The following CCDC14 variants were observed in gnomAD, a reference collection of about 807,000 sequenced individuals.
CCDC14 encodes coiled-coil domain-containing protein 14.
In CCDC14, 71 loss-of-function variants were observed where a neutral mutation model predicts 81.4. The ratio of observed to expected loss-of-function variants is 0.87; its 90% confidence interval spans 0.72 to 1.06. The LOEUF (loss-of-function observed/expected upper bound fraction) is 1.06. Among genes scored for constraint, CCDC14 ranks in the 50% least tolerant of loss-of-function variants. CCDC14 has a pLI of 0.00. For synonymous variants in CCDC14, 332 were observed against 364.8 expected (o/e 0.91, Z 1.03); for missense variants, 1,046 against 1,047.3 (o/e 1.00, Z 0.02).
At chr3:123,894,449 G>A (rs182177698), downstream of CCDC14, among the ~76,000 whole-genome samples, 209 of 152,210 alleles carry the variant, frequency 1.4e-3, 3 homozygotes, top group Admixed American at 1.1e-3. Context: ...GGCTCTCTGA[G>A]GTTCCATATG....
At chr3:123,945,206 C>T (rs556816393) in intron 8 of CCDC14, among the ~76,000 whole-genome samples, 1 of 151,732 alleles carries the variant, frequency 6.6e-6, no homozygotes, top group South Asian at 2.1e-4. Context: ...GTTCAGTAAA[C>T]TAAAGATTAA....
At chr3:123,921,263 A>G (rs1363342705) in intron 12 of CCDC14, among the ~76,000 whole-genome samples, 1 of 152,244 alleles carries the variant, frequency 6.6e-6, no homozygotes, top group East Asian at 1.9e-4. Context: ...GAATGAATCA[A>G]AAACTGTATG....
In CCDC14 at chr3:123,953,606, G is replaced by A. The variant is rs1323779020; in HGVS notation, c.352+2237C>T. The A allele has an allele frequency of 3.3e-5, 5 of 152,290 alleles. No homozygotes were observed. In the South Asian group the frequency reaches 1.0e-3, roughly 32 times the overall value. The allele number at this position is 152,290 out of a possible 1,614,324, so 9.4% of individuals were successfully genotyped here. A position where few individuals can be genotyped will look rare whatever the true frequency, so the allele number is the denominator to read the frequency against. On this transcript the variant is annotated intron_variant, in intron 5 of 12. Coordinates refer to ENST00000409697, the MANE Select transcript of CCDC14 (RefSeq NM_001366335.1). ...CTTGTAAGAGTCAAATCCCAGACCT[G>A]ATATACATCAGTAGGGCTTCAGTTG...
Position 123,915,609 on chromosome 3 carries a change from GTTTA to G in CCDC14, c.1884_1887del (p.Lys629AsnfsTer13). The G allele has an allele frequency of 6.2e-7, 1 of 1,613,918 alleles. No individual in the cohort carries two copies. The highest frequency in any genetic ancestry group is 8.5e-7 in the Non-Finnish European group (1 of 1,179,808). On this transcript the variant is annotated frameshift_variant, in exon 13 of 13. Transcript: ENST00000409697. LOFTEE classifies it low-confidence loss of function (END_TRUNC). ...GCAGGAGCTGGGTCATGTTGAAGTT[GTTTA>G]TCATGAATGTTCAAGAGTGATTTGG...
At position 123,914,802 on chromosome 3, in the gene CCDC14, T is replaced by G. The variant is rs1424134112; in HGVS notation, c.2695A>C (p.Arg899=). 1 of 1,562,912 alleles carries G rather than the reference T, an allele frequency of 6.4e-7. No homozygotes were observed. The highest frequency in any genetic ancestry group is 2.4e-5 in the East Asian group (1 of 42,452). ...ATTCATTTCTCCAGAAGACCAGTCC[T>G]TAAAGACTTCTGGAGTCTAGCTATG... is the stretch of plus-strand genomic sequence containing the variant. ...ANIARLQKSL[R]TGLLEK Residue 899 remains arginine, a synonymous_variant, in exon 13 of 13, where the codon AGG becomes CGG. Transcript: ENST00000409697.
chr3:123,944,946 T>A lies in CCDC14; in HGVS notation c.1246A>T (p.Ile416Leu). The A allele has an allele frequency of 1.9e-6, 3 of 1,609,754 alleles. No homozygotes were observed. Among genetic ancestry groups the A allele is most frequent in the Non-Finnish European group, 1.7e-6 (2 of 1,176,888 alleles). ...QRLITEMEACISVLPTVSGNT... is the reference protein window; with the variant it reads ...QRLITEMEACLSVLPTVSGNT... ...CCACTTACTGTTGGAAGTACAGATATACATGCCTCCATTTCTGTAATCAAC... is the reference window on the plus strand; with the variant it reads ...CCACTTACTGTTGGAAGTACAGATAAACATGCCTCCATTTCTGTAATCAAC... The change falls in exon 9 of 13, where the codon ATA becomes TTA. Residue 416 changes from isoleucine (I) to leucine (L), a missense_variant. Ile to Leu is a conservative substitution (Grantham distance 5). Coordinates refer to ENST00000409697, the MANE Select transcript of CCDC14 (RefSeq NM_001366335.1).
chr3:123,938,385 A>G (rs1477804104), intron 9 of CCDC14, among the ~76,000 whole-genome samples: 1 of 151,886 alleles, frequency 6.6e-6, no homozygotes, highest in East Asian at 1.9e-4. Flanking sequence ...ATGCTACTCT[A>G]GTACTGATTT....
In CCDC14 at chr3:123,914,153, T is replaced by C; in HGVS notation, c.*626A>G. 1 of 985,476 alleles carries C rather than the reference T, an allele frequency of 1.0e-6. No homozygotes were observed. The highest frequency in any genetic ancestry group is 1.2e-6 in the Non-Finnish European group (1 of 829,592). 61.0% of individuals were successfully genotyped at this position (985,476 alleles called of 1,614,324 possible). A position where few individuals can be genotyped will look rare whatever the true frequency, so the allele number is the denominator to read the frequency against. On this transcript the variant is annotated 3_prime_UTR_variant, in exon 13 of 13. Transcript: ENST00000409697. The stretch of plus-strand genomic sequence containing the variant: ...TTCTTTAAAGGCCTTAAAACATGAA[T>C]TTGGGATAAAAACAAATAAAAGTGC...
the CCDC14 span, among the ~76,000 whole-genome samples, chr3:123,887,250 T>C: frequency 6.6e-6 from 1 of 152,218 alleles, no homozygotes; most frequent in African/African-American, 2.4e-5. Context: ...AGTTCAAATA[T>C]ATATTTAATG....
At chr3:123,929,091 A>C (rs535407255) in intron 12 of CCDC14, among the ~76,000 whole-genome samples, 2 of 152,210 alleles carry the variant, frequency 1.3e-5, no homozygotes, top group Non-Finnish European at 2.9e-5. Context: ...AAACTACCAG[A>C]GAACTACATC....
chr3:123,893,613 A>T (rs1005124923), downstream of CCDC14, among the ~76,000 whole-genome samples: 1 of 152,116 alleles, frequency 6.6e-6, no homozygotes, highest in African/African-American at 2.4e-5. Flanking sequence ...ACTGAGTCAT[A>T]TGTCTATTTT....
At chr3:123,900,994 G>A (rs1257232525) in intron 5 of CCDC14, among the ~76,000 whole-genome samples, 1 of 152,116 alleles carries the variant, frequency 6.6e-6, no homozygotes, top group Non-Finnish European at 1.5e-5. Flanking sequence ...AGCACTTTGG[G>A]AGGCTAAGGC....
In CCDC14 at chr3:123,915,055, T is replaced by C. The variant is rs750588741; in HGVS notation, c.2442A>G (p.Glu814=). The change falls in exon 13 of 13, where the codon GAA becomes GAG. Residue 814 remains glutamate, a synonymous_variant. Coordinates refer to ENST00000409697, the MANE Select transcript of CCDC14 (RefSeq NM_001366335.1). The stretch of plus-strand genomic sequence containing the variant: ...TGGCAGCAGGGATCTTACCAATTGC[T>C]TCCTTTATTTTCTTGAGGAGCTGTG... ...KDTQLLKKIK[E]AIGKIPAATK... is the part of the protein sequence containing the mutation. The C allele has an allele frequency of 1.2e-6, 2 of 1,613,934 alleles. No homozygotes were observed. The highest frequency in any genetic ancestry group is 1.3e-5 in the African/African-American group (1 of 74,954).
downstream of CCDC14, among the ~76,000 whole-genome samples, chr3:123,908,972 GATTA>G (rs952093566): frequency 6.6e-5 from 10 of 152,114 alleles, no homozygotes; most frequent in Non-Finnish European, 1.2e-4. Flanking sequence ...AAAAAAGAAA[GATTA>G]ATTTTCTCTT....
chr3:123,915,032 G>A lies in CCDC14; in HGVS notation c.2465C>T (p.Ala822Val). ...IKEAIGKIPA[A>V]TKEPEEQTAC... Reference sequence around the variant, plus strand: ...AGTTTGTTCCTCTGGCTCCTTGGTGGCAGCAGGGATCTTACCAATTGCTTC... The same window carrying A: ...AGTTTGTTCCTCTGGCTCCTTGGTGACAGCAGGGATCTTACCAATTGCTTC... The change falls in exon 13 of 13, where the codon GCC (alanine) becomes GTC (valine). Residue 822 changes from alanine to valine, a missense_variant. Coordinates refer to ENST00000409697, the MANE Select transcript of CCDC14 (RefSeq NM_001366335.1). The A allele has an allele frequency of 6.2e-7, 1 of 1,614,016 alleles. No individual in the cohort carries two copies. Among genetic ancestry groups the A allele is most frequent in the African/African-American group, 1.3e-5 (1 of 75,076 alleles).
intron 12 of CCDC14, among the ~76,000 whole-genome samples, chr3:123,926,706 G>A (rs1180825218): frequency 6.6e-6 from 1 of 151,970 alleles, no homozygotes; most frequent in Non-Finnish European, 1.5e-5. Context: ...AAAGGTTGGA[G>A]AAGGAAAAGA....
chr3:123,953,488 C>T (rs541451202), intron 5 of CCDC14: 23 of 152,370 alleles, frequency 1.5e-4, no homozygotes, highest in Admixed American at 1.2e-3. Flanking sequence ...GCACATACTG[C>T]TTCCTGTGCT....
At chr3:123,929,563 A>G (rs1310442601) in intron 12 of CCDC14, among the ~76,000 whole-genome samples, 1 of 152,180 alleles carries the variant, frequency 6.6e-6, no homozygotes, top group Non-Finnish European at 1.5e-5. Context: ...TCGGCCTCCC[A>G]AAGTGCTGGG....
At chr3:123,909,722 C>A (rs2034400100), downstream of CCDC14, among the ~76,000 whole-genome samples, 1 of 152,002 alleles carries the variant, frequency 6.6e-6, no homozygotes, top group African/African-American at 2.4e-5. Flanking sequence ...TTATTTAATC[C>A]TCAGAACAAA....
Sources: gnomAD v4.1 joint callset for allele counts (sites outside exome capture counted in the v4.1 genomes callset) on GRCh38, gnomAD v4.1.1 for gene constraint, MANE v1.5 for transcripts, NCBI Gene and HGNC (gene_info 2026-07-23, HGNC 2026-07-21) for gene names.